The following TIMMDC1 variants were observed in gnomAD, a reference collection of about 807,000 sequenced individuals.
TIMMDC1 encodes complex I assembly factor TIMMDC1, mitochondrial.
A neutral mutation model predicts 32.6 loss-of-function variants in TIMMDC1; 25 were observed. The ratio of observed to expected loss-of-function variants is 0.77; its 90% CI spans 0.56 to 1.07. The LOEUF is 1.07. Ranked by LOEUF, TIMMDC1 falls within the 50% of genes least tolerant of loss-of-function variation. The pLI, the probability that TIMMDC1 is intolerant of heterozygous loss-of-function variation, is 0.00. For synonymous variants in TIMMDC1, 130 were observed against 127.6 expected (o/e 1.02, Z -0.13); for missense variants, 329 against 349.2 (o/e 0.94, Z 0.46).
chr3:119,500,097 T>G (rs1445724412), intron 1 of TIMMDC1, among the ~76,000 whole-genome samples: 1 of 152,222 alleles, frequency 6.6e-6, no homozygotes, highest in Admixed American at 6.5e-5. Context: ...CAGTCCTATC[T>G]GAGTATTTCA....
chr3:119,499,327 T>G (rs183709682), intron 1 of TIMMDC1, among the ~76,000 whole-genome samples: 4 of 152,024 alleles, frequency 2.6e-5, no homozygotes, highest in African/African-American at 9.6e-5. Context: ...CTTGAACTCT[T>G]GGACTTAGGC....
At chr3:119,508,088 G>A (rs1186889760) in intron 4 of TIMMDC1, among the ~76,000 whole-genome samples, 3 of 152,142 alleles carry the variant, frequency 2.0e-5, no homozygotes, top group Non-Finnish European at 2.9e-5. Flanking sequence ...TGAGAATAAC[G>A]GAATGTTCTG....
intron 5 of TIMMDC1, among the ~76,000 whole-genome samples, chr3:119,515,478 T>C (rs1320169246): frequency 6.6e-6 from 1 of 152,226 alleles, no homozygotes; most frequent in African/African-American, 2.4e-5. Context: ...ATCTCCTTTT[T>C]CATTATCTCA....
rs1413898957 is a variant in TIMMDC1 at position 119,498,900 on chromosome 3, A to T, written c.167A>T (p.Asp56Val). 1 of 1,613,832 alleles carries T rather than the reference A, an allele frequency of 6.2e-7. No homozygotes were observed. The highest frequency in any genetic ancestry group is 8.5e-7 in the Non-Finnish European group (1 of 1,179,932). Reference protein sequence around the residue: ...PEPYYPESGWDRLRELFGKDE... With the variant: ...PEPYYPESGWVRLRELFGKDE... ...CCCTATTACCCGGAATCTGGATGGG[A>T]CCGCCTCCGGGAGCTGTTTGGCAAA... The change falls in exon 1 of 7, where the codon GAC becomes GTC. Residue 56 changes from aspartate (D) to valine (V), a missense_variant. Transcript: ENST00000494664.
At chr3:119,514,152 C>T (rs1560048627) in intron 5 of TIMMDC1, among the ~76,000 whole-genome samples, 1 of 152,074 alleles carries the variant, frequency 6.6e-6, no homozygotes, top group Non-Finnish European at 1.5e-5. Context: ...TTGCTTAATA[C>T]ATTTTTAAAA....
chr3:119,499,007 T>G, intron 1 of TIMMDC1, 80 bp downstream of exon 1: 1 of 1,238,932 alleles, frequency 8.1e-7, no homozygotes, highest in Non-Finnish European at 1.2e-6. Context: ...GGGTCAGCCT[T>G]AGGACACCAA....
At chr3:119,502,342 G>A (rs542023033) in intron 2 of TIMMDC1, among the ~76,000 whole-genome samples, 16 of 151,842 alleles carry the variant, frequency 1.1e-4, no homozygotes, top group African/African-American at 3.6e-4. Context: ...CGATTCTCCT[G>A]TCTCAGCCTC....
At chr3:119,515,449 A>C (rs1403219660) in intron 5 of TIMMDC1, among the ~76,000 whole-genome samples, 1 of 152,158 alleles carries the variant, frequency 6.6e-6, no homozygotes, top group African/African-American at 2.4e-5. Context: ...TCTGCTTTTG[A>C]GTGTTCACTC....
chr3:119,511,919 A>G (rs2081955653), intron 4 of TIMMDC1, among the ~76,000 whole-genome samples: 1 of 152,248 alleles, frequency 6.6e-6, no homozygotes, highest in African/African-American at 2.4e-5. Flanking sequence ...AGACTAGATT[A>G]CTTGCATACT....
At chr3:119,507,399 C>T (rs1344791254) in intron 4 of TIMMDC1, among the ~76,000 whole-genome samples, 1 of 152,150 alleles carries the variant, frequency 6.6e-6, no homozygotes, top group Non-Finnish European at 1.5e-5. Context: ...TGTCTTCAAG[C>T]TCAGGGATTC....
intron 6 of TIMMDC1, among the ~76,000 whole-genome samples, chr3:119,522,232 G>T (rs1050964961): frequency 4.6e-5 from 7 of 152,166 alleles, no homozygotes; most frequent in African/African-American, 1.7e-4. Context: ...CCATAATAAA[G>T]AATGTAATCC....
intron 5 of TIMMDC1, among the ~76,000 whole-genome samples, chr3:119,514,783 T>A (rs2081974476): frequency 6.6e-6 from 1 of 152,190 alleles, no homozygotes; most frequent in Admixed American, 6.5e-5. Context: ...TGGCTGGGTT[T>A]CCCTGCTCAA....
rs2082054126 is a variant in TIMMDC1 at position 119,524,684 on chromosome 3, T to C, written c.*928T>C. 6.6e-6 allele frequency: 1 copy of C among 152,258 alleles called. No homozygotes were observed. Among genetic ancestry groups the C allele is most frequent in the Non-Finnish European group, 1.5e-5 (1 of 68,038 alleles). The allele number at this position is 152,258 out of a possible 1,614,324, so 9.4% of individuals were successfully genotyped here. A position where few individuals can be genotyped will look rare whatever the true frequency, so the allele number is the denominator to read the frequency against. On this transcript the variant is annotated 3_prime_UTR_variant, in exon 7 of 7. Coordinates refer to ENST00000494664, the MANE Select transcript of TIMMDC1 (RefSeq NM_016589.4). ...CCAGATTTTCAGATGATAATGTGAT[T>C]ATCCCAGCTTAAGTTGCGTCCACTT...
At chr3:119,516,328 T>C (rs1313466460) in intron 5 of TIMMDC1, among the ~76,000 whole-genome samples, 2 of 152,244 alleles carry the variant, frequency 1.3e-5, no homozygotes, top group Admixed American at 6.5e-5. Flanking sequence ...ATACTTCATA[T>C]GAGTGGAATC....
intron 4 of TIMMDC1, among the ~76,000 whole-genome samples, chr3:119,504,364 A>G (rs2081902193): frequency 6.6e-6 from 1 of 152,186 alleles, no homozygotes; most frequent in South Asian, 2.1e-4. Flanking sequence ...AGCTGATACC[A>G]AAGAATAGGA....
chr3:119,506,180 A>T (rs1329995999), intron 4 of TIMMDC1, among the ~76,000 whole-genome samples: 1 of 152,220 alleles, frequency 6.6e-6, no homozygotes, highest in East Asian at 1.9e-4. Flanking sequence ...TTGTCTACCC[A>T]CTTTTACTTC....
At chr3:119,522,495 G>A (rs1221811675) in intron 6 of TIMMDC1, among the ~76,000 whole-genome samples, 1 of 152,112 alleles carries the variant, frequency 6.6e-6, no homozygotes, top group Non-Finnish European at 1.5e-5. Flanking sequence ...CTAGTGTTCT[G>A]TGGCACTGTA....
intron 6 of TIMMDC1, among the ~76,000 whole-genome samples, chr3:119,517,808 A>G (rs796388926): frequency 6.0e-4 from 91 of 152,066 alleles, no homozygotes; most frequent in African/African-American, 2.2e-3. Context: ...TTTCTACTAA[A>G]AGTACAAAAA....
chr3:119,515,932 A>G (rs968268203), intron 5 of TIMMDC1, among the ~76,000 whole-genome samples: 1 of 152,210 alleles, frequency 6.6e-6, no homozygotes, highest in Non-Finnish European at 1.5e-5. Flanking sequence ...CCTCCTTTGA[A>G]GGAGAAGGTA....
Sources: gnomAD v4.1 joint callset for allele counts (sites outside exome capture counted in the v4.1 genomes callset) on GRCh38, gnomAD v4.1.1 for gene constraint, MANE v1.5 for transcripts, NCBI Gene and HGNC (gene_info 2026-07-23, HGNC 2026-07-21) for gene names.